Variants in CHRM3 observed in about 807,000 individuals in gnomAD.
CHRM3 encodes cholinergic receptor muscarinic 3.
CHRM3 carries 11 observed loss-of-function variants against 41.8 expected under a neutral mutation model. That is an observed-to-expected ratio of 0.26 (90% CI 0.17 to 0.44). The LOEUF is 0.44. Ranked by LOEUF, CHRM3 falls within the 20% of genes least tolerant of loss-of-function variation. The pLI, the probability that CHRM3 is intolerant of heterozygous loss-of-function variation, is 1.00. For missense variants in CHRM3, 571 were observed against 745.4 expected, an observed-to-expected ratio of 0.77 and a Z score of 2.72; for synonymous variants, 297 against 301.4, an observed-to-expected ratio of 0.99 and a Z score of 0.15.
intron 6 of CHRM3, among the ~76,000 whole-genome samples, chr1:239,894,616 A>C (rs540929784): frequency 6.6e-6 from 1 of 152,060 alleles, no homozygotes; most frequent in African/African-American, 2.4e-5. Flanking sequence ...TGTTTTTAGT[A>C]GAGACGGGGT....
intron 4 of CHRM3, among the ~76,000 whole-genome samples, chr1:239,674,124 TG>T (rs1340459042): frequency 2.0e-5 from 3 of 152,174 alleles, no homozygotes; most frequent in African/African-American, 7.2e-5. Flanking sequence ...ACACTCAACC[TG>T]TAATGTTACG....
chr1:239,631,231 T>G (rs2148868532), intron 3 of CHRM3, among the ~76,000 whole-genome samples: 1 of 152,362 alleles, frequency 6.6e-6, no homozygotes, highest in Non-Finnish European at 1.5e-5. Flanking sequence ...CCAATTGCTG[T>G]AAAACTCTCT....
At chr1:239,673,660 T>A (rs946394442) in intron 4 of CHRM3, among the ~76,000 whole-genome samples, 1 of 152,124 alleles carries the variant, frequency 6.6e-6, no homozygotes, top group Admixed American at 6.6e-5. Flanking sequence ...CTAATTTCTT[T>A]TTTTTCTGAG....
intron 1 of CHRM3, among the ~76,000 whole-genome samples, chr1:239,476,042 T>C (rs1159776247): frequency 6.6e-6 from 1 of 151,594 alleles, no homozygotes; most frequent in Non-Finnish European, 1.5e-5. Context: ...ATAATTTCTT[T>C]GGATTCTTAA....
At chr1:239,699,991 C>T (rs1010457269) in intron 5 of CHRM3, among the ~76,000 whole-genome samples, 1 of 152,028 alleles carries the variant, frequency 6.6e-6, no homozygotes, top group Non-Finnish European at 1.5e-5. Flanking sequence ...TCATTCTATT[C>T]AGCAGGATTC....
At chr1:239,584,812 T>C (rs1183959648) in intron 3 of CHRM3, among the ~76,000 whole-genome samples, 1 of 152,118 alleles carries the variant, frequency 6.6e-6, no homozygotes, top group Non-Finnish European at 1.5e-5. Context: ...CCAAAGCCAG[T>C]TGGAAAAGCG....
intron 5 of CHRM3, among the ~76,000 whole-genome samples, chr1:239,810,014 T>C (rs865849931): frequency 1.3e-5 from 2 of 152,232 alleles, no homozygotes; most frequent in Non-Finnish European, 2.9e-5. Flanking sequence ...GGTAAGATTC[T>C]GCATCTGCCT....
chr1:239,484,921 A>G lies in CHRM3; in HGVS notation c.-520-7788A>G, dbSNP rs143140081. ...CTATAACATAAAACCTTCTCATATA[A>G]CAGGAAATATTATAAGTAAACTCCA... On this transcript the variant is annotated intron_variant, in intron 1 of 6. Transcript: ENST00000676153. 3.2e-3 allele frequency among the ~76,000 whole-genome samples: 487 copies of G among 152,264 alleles called. 2 individuals carry two copies. The highest frequency in any genetic ancestry group is 0.011 in the African/African-American group (465 of 41,554).
intron 4 of CHRM3, among the ~76,000 whole-genome samples, chr1:239,633,002 T>G (rs995083788): frequency 1.3e-5 from 2 of 152,224 alleles, no homozygotes; most frequent in Non-Finnish European, 2.9e-5. Flanking sequence ...AGACGGAGTC[T>G]CGCTCTGTCA....
chr1:239,488,604 A>G (rs1373648254), intron 1 of CHRM3, among the ~76,000 whole-genome samples: 1 of 151,088 alleles, frequency 6.6e-6, no homozygotes, highest in African/African-American at 2.4e-5. Context: ...AGTCCCAGCT[A>G]CTTGAGAGGC....
chr1:239,698,521 C>T (rs1478445897), intron 5 of CHRM3, among the ~76,000 whole-genome samples: 1 of 152,162 alleles, frequency 6.6e-6, no homozygotes, highest in Non-Finnish European at 1.5e-5. Context: ...AATTACATTT[C>T]TCATTTTCTG....
chr1:239,664,158 C>T (rs982570721), intron 4 of CHRM3, among the ~76,000 whole-genome samples: 1 of 152,176 alleles, frequency 6.6e-6, no homozygotes, highest in Non-Finnish European at 1.5e-5. Flanking sequence ...ACTATTCATT[C>T]ATCCAAGAAT....
At chr1:239,473,263 GAAA>G (rs200627399) in intron 1 of CHRM3, among the ~76,000 whole-genome samples, 2 of 80,520 alleles carry the variant, frequency 2.5e-5, no homozygotes, top group African/African-American at 7.9e-5. Context: ...AAGCATATTT[GAAA>G]AAAAAAAAAA....
intron 5 of CHRM3, among the ~76,000 whole-genome samples, chr1:239,736,120 A>G (rs1335825200): frequency 1.3e-5 from 2 of 152,088 alleles, no homozygotes; most frequent in African/African-American, 2.4e-5. Flanking sequence ...CTATGTGCAC[A>G]TGTAACTAAA....
intron 3 of CHRM3, among the ~76,000 whole-genome samples, chr1:239,560,674 G>GTATA (rs752031050): frequency 1.3e-5 from 2 of 150,966 alleles, no homozygotes; most frequent in African/African-American, 4.9e-5. Context: ...ATATATGTGT[G>GTATA]TATATATATA....
chr1:239,787,808 G>A (rs74149205), intron 5 of CHRM3, among the ~76,000 whole-genome samples: 1,919 of 152,220 alleles, frequency 0.013, 35 homozygotes, highest in African/African-American at 0.043. Flanking sequence ...TTTCTAATAT[G>A]TAAAGTTAAT....
rs908028512 is a variant in CHRM3, at chr1:239,411,697, C to A, written c.-521+24470C>A. Among the ~76,000 whole-genome samples the A allele has an allele frequency of 7.1e-5, 9 of 126,822 alleles. No individual in the cohort carries two copies. The Admixed American group carries it at 7.6e-4, about 11-fold the overall frequency. 83.2% of individuals were successfully genotyped at this position (126,822 alleles called of 152,430 possible). A position where few individuals can be genotyped will look rare whatever the true frequency, so the allele number is the denominator to read the frequency against. ...CCAAGATCGCCCCATTGCAGTCCAGCCTGGGCGACAGAGCCTCTGTCTCAA... is the reference window on the plus strand; with the variant it reads ...CCAAGATCGCCCCATTGCAGTCCAGACTGGGCGACAGAGCCTCTGTCTCAA... On this transcript the variant is annotated intron_variant, in intron 1 of 6. Coordinates refer to ENST00000676153, the MANE Select transcript of CHRM3 (RefSeq NM_001375978.1).
At chr1:239,781,089 A>G (rs2148800081) in intron 5 of CHRM3, among the ~76,000 whole-genome samples, 1 of 152,198 alleles carries the variant, frequency 6.6e-6, no homozygotes, top group African/African-American at 2.4e-5. Context: ...ATTATTCTGG[A>G]TCTTTTGCCT....
chr1:239,614,822 A>T (rs1667458645), intron 3 of CHRM3, among the ~76,000 whole-genome samples: 1 of 152,204 alleles, frequency 6.6e-6, no homozygotes, highest in Admixed American at 6.5e-5. Context: ...GCTTTAATTT[A>T]CACAAAAGGT....
Sources: allele counts gnomAD v4.1 joint callset (sites outside exome capture counted in the v4.1 genomes callset), GRCh38; gene constraint gnomAD v4.1.1; transcripts MANE v1.5; gene names NCBI Gene and HGNC (gene_info 2026-07-23, HGNC 2026-07-21).